The following HDAC9 variants were observed in gnomAD, a reference collection of about 807,000 sequenced individuals.
HDAC9 encodes histone deacetylase 9.
HDAC9 carries 41 observed loss-of-function variants against 139.4 expected under a neutral mutation model. The ratio of observed to expected loss-of-function variants is 0.29; its 90% confidence interval spans 0.23 to 0.38. The LOEUF (loss-of-function observed/expected upper bound fraction) is 0.38, where lower values mean the gene tolerates loss of function less well. Ranked by LOEUF, HDAC9 falls within the 10% of genes least tolerant of loss-of-function variation. The probability of loss-of-function intolerance (pLI) is 1.00; values close to 1 mark genes in which losing one functional copy is unlikely to be tolerated. For missense variants in HDAC9, 1,147 were observed against 1,297.0 expected, an observed-to-expected ratio of 0.88 and a Z score of 1.78; for synonymous variants, 517 against 476.2, an observed-to-expected ratio of 1.09 and a Z score of -1.12.
chr7:18,315,046 C>G (rs1799548929), intron 1 of HDAC9, among the ~76,000 whole-genome samples: 1 of 152,144 alleles, frequency 6.6e-6, no homozygotes, highest in African/African-American at 2.4e-5. Flanking sequence ...TAACCACACA[C>G]AGGTTGTGAT....
At chr7:18,480,446 A>C (rs1457227714) in intron 1 of HDAC9, among the ~76,000 whole-genome samples, 1 of 152,318 alleles carries the variant, frequency 6.6e-6, no homozygotes, top group East Asian at 1.9e-4. Context: ...CTGAGGCAGG[A>C]TGGGCACCCT....
chr7:18,589,448 C>T (rs955398303), intron 3 of HDAC9, among the ~76,000 whole-genome samples: 1 of 152,098 alleles, frequency 6.6e-6, no homozygotes, highest in Non-Finnish European at 1.5e-5. Flanking sequence ...GTGGGAGTAT[C>T]GCTTGAGCCC....
rs994983809 is a variant in HDAC9, at chr7:18,615,831, G to A, written c.665-13519G>A. On this transcript the variant is annotated intron_variant, in intron 6 of 25. Transcript: ENST00000686413. ...TTCAACTACTGTATTATTTTCCTGT[G>A]GATGCTGTAACAAATTACTGCAAAC... 4.1e-4 allele frequency among the ~76,000 whole-genome samples: 63 copies of A among 152,024 alleles called. 2 individuals are homozygous for A. The highest frequency in any genetic ancestry group is 5.8e-4 in the East Asian group (3 of 5,186).
At chr7:18,321,475 C>T (rs1326269395) in intron 1 of HDAC9, among the ~76,000 whole-genome samples, 1 of 152,158 alleles carries the variant, frequency 6.6e-6, no homozygotes, top group Non-Finnish European at 1.5e-5. Context: ...CTTTATGTTG[C>T]TGAAGATACT....
At chr7:18,642,740 T>G (rs2129014700) in intron 8 of HDAC9, among the ~76,000 whole-genome samples, 1 of 152,194 alleles carries the variant, frequency 6.6e-6, no homozygotes, top group East Asian at 1.9e-4. Context: ...GAGGAGCCAG[T>G]GTGTTGCTGC....
chr7:18,490,011 A>T (rs1462770070), intron 1 of HDAC9, among the ~76,000 whole-genome samples: 1 of 151,924 alleles, frequency 6.6e-6, no homozygotes, highest in African/African-American at 2.4e-5. Context: ...AGTCTTTCAT[A>T]CTCCGAATAT....
intron 1 of HDAC9, among the ~76,000 whole-genome samples, chr7:18,111,271 C>T (rs115943875): frequency 0.013 from 2,042 of 152,294 alleles, 47 homozygotes; most frequent in African/African-American, 0.047. Flanking sequence ...ATAGTTTGGT[C>T]TGCAAAGTGA....
chr7:18,620,922 G>A (rs10253117), intron 6 of HDAC9, among the ~76,000 whole-genome samples: 5,921 of 152,164 alleles, frequency 0.039, 389 homozygotes, highest in African/African-American at 0.14. Context: ...TACATTGATA[G>A]AAGGAAATAC....
intron 2 of HDAC9, among the ~76,000 whole-genome samples, chr7:18,237,938 A>G (rs1793934964): frequency 2.0e-5 from 3 of 152,204 alleles, no homozygotes; most frequent in African/African-American, 7.2e-5. Context: ...GAGTTGAGTA[A>G]TGTCAATGGC....
rs148487682 is a variant in HDAC9, at chr7:18,237,950, A to T, written c.25+75601A>T. ...GCTGAGTTGAGTAATGTCAATGGCC[A>T]TAAATCTTTTGTTTGGTCCTTAATA... On this transcript the variant is annotated intron_variant, in intron 2 of 12. Coordinates refer to the HDAC9 transcript ENST00000417496. 2.0e-5 allele frequency among the ~76,000 whole-genome samples: 3 copies of T among 152,356 alleles called. No individual in the cohort carries two copies. The East Asian group carries it at 5.8e-4, about 29-fold the overall frequency.
intron 14 of HDAC9, among the ~76,000 whole-genome samples, chr7:18,761,480 A>G (rs1299880142): frequency 6.6e-6 from 1 of 152,240 alleles, no homozygotes; most frequent in East Asian, 1.9e-4. Flanking sequence ...AAGTGAAATA[A>G]ATATTGAAGA....
At position 18,758,655 on chromosome 7, in the gene HDAC9, G is replaced by C. The variant is rs185159586; in HGVS notation, c.2044-3502G>C. Reference sequence around the variant, plus strand: ...GGAATTACTCCAGGAGATCCTATGTGTTAAGGAATAAAGAAAGCTGTTGCT... The same window carrying C: ...GGAATTACTCCAGGAGATCCTATGTCTTAAGGAATAAAGAAAGCTGTTGCT... On this transcript the variant is annotated intron_variant, in intron 14 of 25. Transcript: ENST00000686413. Among the ~76,000 whole-genome samples the C allele has an allele frequency of 2.6e-3, 389 of 152,292 alleles. 1 individual carries two copies. The highest frequency in any genetic ancestry group is 9.0e-3 in the African/African-American group (376 of 41,570).
chr7:18,777,280 A>G (rs559706383), intron 16 of HDAC9, among the ~76,000 whole-genome samples: 5 of 152,110 alleles, frequency 3.3e-5, no homozygotes, highest in African/African-American at 1.2e-4. Context: ...CAGTACTCCA[A>G]CACCTGCCCA....
intron 21 of HDAC9, among the ~76,000 whole-genome samples, chr7:18,847,594 C>T (rs924441961): frequency 6.6e-6 from 1 of 152,146 alleles, no homozygotes; most frequent in Non-Finnish European, 1.5e-5. Context: ...GGAGACTCTA[C>T]AAAATTAAAT....
intron 21 of HDAC9, among the ~76,000 whole-genome samples, chr7:18,862,617 A>G (rs373066373): frequency 5.9e-5 from 9 of 152,254 alleles, no homozygotes; most frequent in African/African-American, 2.2e-4. Flanking sequence ...CCCCCTCTCC[A>G]TCTGGTTCAT....
rs555531311 is a variant in HDAC9 at position 18,999,693 on chromosome 7, C to G, written c.*3631C>G. 1.3e-5 allele frequency: 2 copies of G among 152,338 alleles called. No individual in the cohort carries two copies. The highest frequency in any genetic ancestry group is 3.9e-4 in the East Asian group (2 of 5,184). The allele number at this position is 152,338 out of a possible 1,614,324, so 9.4% of individuals were successfully genotyped here. On this transcript the variant is annotated 3_prime_UTR_variant, in exon 26 of 26. Coordinates refer to ENST00000686413, the MANE Select transcript of HDAC9 (RefSeq NM_178425.4). The stretch of plus-strand genomic sequence containing the variant: ...ACCTCAGGTGATCCGCCCGCCTCGG[C>G]CTCCCAAAGTGCTGAAATTACAGGT...
intron 23 of HDAC9, among the ~76,000 whole-genome samples, chr7:18,953,648 G>A (rs542591500): frequency 8.2e-4 from 124 of 152,120 alleles, no homozygotes; most frequent in Non-Finnish European, 1.5e-3. Context: ...TTTATTCAAT[G>A]GCCTTTGAAT....
chr7:18,740,429 G>T (rs988133944), intron 13 of HDAC9, among the ~76,000 whole-genome samples: 1 of 152,092 alleles, frequency 6.6e-6, no homozygotes, highest in Non-Finnish European at 1.5e-5. Flanking sequence ...TCTTTTTATA[G>T]TACTCTTGTA....
chr7:18,158,701 T>G (rs1787403148), intron 1 of HDAC9, among the ~76,000 whole-genome samples: 1 of 152,218 alleles, frequency 6.6e-6, no homozygotes, highest in African/African-American at 2.4e-5. Flanking sequence ...TTGTGACATA[T>G]AAAGCTCTGC....
Sources: allele counts gnomAD v4.1 joint callset (sites outside exome capture counted in the v4.1 genomes callset), GRCh38; gene constraint gnomAD v4.1.1; transcripts MANE v1.5; gene names NCBI Gene and HGNC (gene_info 2026-07-23, HGNC 2026-07-21).